Variants in LIPA observed in about 807,000 individuals in gnomAD.
The protein encoded by LIPA is lipase A, lysosomal acid type.
In LIPA, 26 loss-of-function variants were observed where a neutral mutation model predicts 40.6. The observed-to-expected ratio is 0.64, with a 90% confidence interval of 0.47 to 0.89. The LOEUF (loss-of-function observed/expected upper bound fraction) is 0.89, where lower values mean the gene tolerates loss of function less well. LIPA is among the 40% of genes least tolerant of loss of function. The probability of loss-of-function intolerance (pLI) is 0.00; values close to 1 mark genes in which losing one functional copy is unlikely to be tolerated. For missense variants in LIPA, 455 were observed against 479.6 expected (o/e 0.95, Z 0.48); for synonymous variants, 188 against 168.4 (o/e 1.12, Z -0.90).
At chr10:89,344,612 GAAA>G (rs5786866), upstream of LIPA, among the ~76,000 whole-genome samples, 1 of 134,622 alleles carries the variant, frequency 7.4e-6, no homozygotes. Context: ...CATGCGGCAA[GAAA>G]AAAAAAAAAA....
chr10:89,376,676 A>C (rs996157982), intron 2 of LIPA, among the ~76,000 whole-genome samples: 9 of 152,376 alleles, frequency 5.9e-5, no homozygotes, highest in African/African-American at 2.2e-4. Flanking sequence ...ATTCGAAAAT[A>C]ATCAAGCAGC....
intron 1 of LIPA, among the ~76,000 whole-genome samples, chr10:89,265,253 C>G (rs1843229842): frequency 6.6e-6 from 1 of 152,118 alleles, no homozygotes; most frequent in Non-Finnish European, 1.5e-5. Context: ...GGCCCCCAAA[C>G]TGCAGGGATG....
intron 1 of LIPA, among the ~76,000 whole-genome samples, chr10:89,315,799 T>C (rs1843538368): frequency 6.6e-6 from 1 of 152,196 alleles, no homozygotes; most frequent in Non-Finnish European, 1.5e-5. Context: ...AAGGAAATTC[T>C]GGCTCAATGA....
At chr10:89,274,123 G>T (rs1843278590) in intron 1 of LIPA, among the ~76,000 whole-genome samples, 1 of 152,228 alleles carries the variant, frequency 6.6e-6, no homozygotes, top group Non-Finnish European at 1.5e-5. Flanking sequence ...ACTGGAGTTT[G>T]TGTGCCAGTG....
chr10:89,384,374 G>A (rs1027170572), intron 2 of LIPA: 90 of 1,613,990 alleles, frequency 5.6e-5, no homozygotes, highest in Non-Finnish European at 6.9e-5. Flanking sequence ...GCAGAAATAG[G>A]CCACCACAGA....
chr10:89,386,246 A>C (rs1033513430), intron 2 of LIPA, among the ~76,000 whole-genome samples: 3 of 152,138 alleles, frequency 2.0e-5, no homozygotes, highest in African/African-American at 7.2e-5. Flanking sequence ...GGCATTTACT[A>C]CTACAGGCCA....
chr10:89,334,534 C>T (rs1170014933), intron 1 of LIPA, among the ~76,000 whole-genome samples: 4 of 90,584 alleles, frequency 4.4e-5, no homozygotes, highest in Non-Finnish European at 6.2e-5. Flanking sequence ...TTTGCTCTTT[C>T]GCCCAGGCTG....
intron 2 of LIPA, among the ~76,000 whole-genome samples, chr10:89,247,011 A>G (rs1300004955): frequency 3.9e-5 from 6 of 152,206 alleles, no homozygotes; most frequent in African/African-American, 1.4e-4. Context: ...TATATATAAC[A>G]TTAAACTGAG....
chr10:89,334,519 G>A (rs1177738205), intron 1 of LIPA, among the ~76,000 whole-genome samples: 2 of 37,408 alleles, frequency 5.3e-5, no homozygotes, highest in African/African-American at 1.5e-4. Flanking sequence ...TTTTTGAGAC[G>A]GAGTTTTGCT....
At chr10:89,315,370 C>T (rs1318536535) in intron 1 of LIPA, among the ~76,000 whole-genome samples, 1 of 152,158 alleles carries the variant, frequency 6.6e-6, no homozygotes, top group Non-Finnish European at 1.5e-5. Flanking sequence ...ACTATAACAA[C>T]CTCTGAACTC....
chr10:89,395,680 A>G (rs1349577044), intron 2 of LIPA, among the ~76,000 whole-genome samples: 1 of 152,216 alleles, frequency 6.6e-6, no homozygotes, highest in African/African-American at 2.4e-5. Flanking sequence ...ACGCTTAGGC[A>G]TTAGGCTGTT....
intron 2 of LIPA, among the ~76,000 whole-genome samples, chr10:89,368,624 T>C (rs766500906): frequency 2.6e-5 from 4 of 152,206 alleles, no homozygotes; most frequent in Non-Finnish European, 4.4e-5. Flanking sequence ...AATATACTTA[T>C]TGAGCTCTCA....
chr10:89,245,539 C>T (rs1843012394), intron 3 of LIPA, 137 bp downstream of exon 3: 2 of 700,186 alleles, frequency 2.9e-6, no homozygotes, highest in East Asian at 2.5e-5. Flanking sequence ...TTTTTCTTTG[C>T]CTTGCAAACC....
In LIPA at chr10:89,389,981, T is replaced by C. The variant is rs1376662410; in HGVS notation, c.61+22810A>G. ...ATCACCTGAAGATTTCTTTCTTTTT[T>C]TTTTTTTTTTTTTTTTTGAGATGGA... On this transcript the variant is annotated intron_variant, in intron 2 of 8. Transcript: ENST00000371837. 2.8e-4 allele frequency among the ~76,000 whole-genome samples: 39 copies of C among 141,556 alleles called. No homozygotes were observed. The South Asian group carries it at 5.3e-3, about 19-fold the overall frequency. 92.9% of individuals were successfully genotyped at this position (141,556 alleles called of 152,430 possible).
At chr10:89,219,258 CCA>C (rs148452001) in intron 8 of LIPA, among the ~76,000 whole-genome samples, 6,315 of 152,154 alleles carry the variant, frequency 0.042, 331 homozygotes, top group African/African-American at 0.13. Flanking sequence ...TTCAGAGTCT[CCA>C]CAGGTCTCAG....
chr10:89,339,300 G>A (rs1218369685), intron 1 of LIPA: 9 of 1,613,994 alleles, frequency 5.6e-6, no homozygotes, highest in Non-Finnish European at 7.6e-6. Context: ...TCTTGGGCCT[G>A]AAACTGCAGA....
chr10:89,321,779 T>C (rs1046978325), intron 1 of LIPA, among the ~76,000 whole-genome samples: 1 of 152,234 alleles, frequency 6.6e-6, no homozygotes, highest in African/African-American at 2.4e-5. Context: ...CGTATGTTTA[T>C]TGCAGCACTA....
intron 1 of LIPA, chr10:89,307,104 A>T (rs751422356): frequency 3.2e-5 from 51 of 1,613,984 alleles, no homozygotes; most frequent in Non-Finnish European, 4.1e-5. Context: ...TTTCAGCTGT[A>T]CCAAATGAAG....
chr10:89,224,915 C>T (rs1242178648), intron 6 of LIPA, among the ~76,000 whole-genome samples, 177 bp downstream of exon 6: 3 of 152,178 alleles, frequency 2.0e-5, no homozygotes, highest in East Asian at 1.9e-4. Flanking sequence ...AAACGACAGG[C>T]GTCCCCGGCC....
Sources: allele counts gnomAD v4.1 joint callset (sites outside exome capture counted in the v4.1 genomes callset), GRCh38; gene constraint gnomAD v4.1.1; transcripts MANE v1.5; gene names NCBI Gene and HGNC (gene_info 2026-07-23, HGNC 2026-07-21).